SLC7A8: variants seen among roughly 807,000 people sequenced by gnomAD.
The protein encoded by SLC7A8 is solute carrier family 7 member 8, also known as large neutral amino acids transporter small subunit 2.
Under a neutral mutation model 51.2 loss-of-function variants are expected in SLC7A8, and 30 were observed. The observed-to-expected ratio is 0.59, with a 90% CI of 0.44 to 0.80. SLC7A8 has a LOEUF of 0.80. Ranked by LOEUF, SLC7A8 falls within the 30% of genes least tolerant of loss-of-function variation. SLC7A8 has a pLI of 0.00. For synonymous variants in SLC7A8, 257 were observed against 275.8 expected (o/e 0.93, Z 0.67); for missense variants, 612 against 674.4 (o/e 0.91, Z 1.03).
chr14:23,128,751 C>T lies in SLC7A8; in HGVS notation c.1264-555G>A, dbSNP rs1202172223. On this transcript the variant is annotated intron_variant, in intron 9 of 10. Coordinates refer to ENST00000316902, the MANE Select transcript of SLC7A8 (RefSeq NM_012244.4). This position sits in a 1 kb window ranked among gnomAD's most constrained non-coding sequence, Gnocchi z 4.3. ...TCCTGAGAGTATCCTCTTCAGGGCTCCAGGGGCAGTCCTGATTCGGCTGCC... is the reference window on the plus strand; with the variant it reads ...TCCTGAGAGTATCCTCTTCAGGGCTTCAGGGGCAGTCCTGATTCGGCTGCC... 6.6e-6 allele frequency among the ~76,000 whole-genome samples: 1 copy of T among 152,184 alleles called. No homozygotes were observed. The highest frequency in any genetic ancestry group is 1.5e-5 in the Non-Finnish European group (1 of 68,024).
chr14:23,137,215 C>T (rs945705864), intron 7 of SLC7A8, among the ~76,000 whole-genome samples: 1 of 152,186 alleles, frequency 6.6e-6, no homozygotes, highest in Non-Finnish European at 1.5e-5. Flanking sequence ...ACCTGGGACT[C>T]GTGGACCCGC....
At chr14:23,157,913 G>A (rs1193198301) in intron 3 of SLC7A8, among the ~76,000 whole-genome samples, 2 of 152,142 alleles carry the variant, frequency 1.3e-5, no homozygotes, top group Admixed American at 6.5e-5. Flanking sequence ...TGGACTGTGG[G>A]TTCCTTGGTA....
At chr14:23,181,109 G>T (rs937326257) in intron 1 of SLC7A8, among the ~76,000 whole-genome samples, 5 of 152,204 alleles carry the variant, frequency 3.3e-5, no homozygotes, top group African/African-American at 1.2e-4. Flanking sequence ...GTGCTTGTGT[G>T]CCTGTGGGCG....
chr14:23,167,509 C>T (rs1339965247), intron 1 of SLC7A8, among the ~76,000 whole-genome samples: 1 of 152,032 alleles, frequency 6.6e-6, no homozygotes, highest in Non-Finnish European at 1.5e-5. Context: ...GGCTGGTTTT[C>T]TCCTGAGAGG....
intron 7 of SLC7A8, among the ~76,000 whole-genome samples, chr14:23,132,300 C>A (rs2048644289): frequency 6.6e-6 from 1 of 152,076 alleles, no homozygotes; most frequent in Non-Finnish European, 1.5e-5. Context: ...CCGCGCCTGG[C>A]CTAAAAACAC....
chr14:23,138,141 G>T, intron 6 of SLC7A8, 117 bp from the exon 7 acceptor site: 3 of 1,291,614 alleles, frequency 2.3e-6, no homozygotes, highest in Non-Finnish European at 3.2e-6. Flanking sequence ...ATTCTCTCTC[G>T]CCAAGCTTCT....
chr14:23,143,234 C>T, intron 3 of SLC7A8, 30 bp from the exon 4 acceptor site: 1 of 1,612,740 alleles, frequency 6.2e-7, no homozygotes, highest in Middle Eastern at 1.7e-4. Context: ...AACAGACCTT[C>T]AGGGGCTGTA....
intron 1 of SLC7A8, among the ~76,000 whole-genome samples, chr14:23,180,495 C>A (rs1594844030): frequency 6.6e-6 from 1 of 152,280 alleles, no homozygotes; most frequent in Middle Eastern, 3.4e-3. Context: ...TGCCTATTAA[C>A]TCTACAAGGA....
At chr14:23,131,997 C>CTT (rs1268438002) in intron 7 of SLC7A8, among the ~76,000 whole-genome samples, 1 of 139,146 alleles carries the variant, frequency 7.2e-6, no homozygotes, top group African/African-American at 2.7e-5. Context: ...TAAAAACACT[C>CTT]TATTTTTTTT....
chr14:23,146,623 C>G (rs745541234), intron 3 of SLC7A8: 1 of 152,228 alleles, frequency 6.6e-6, no homozygotes, highest in Non-Finnish European at 1.5e-5. Context: ...AACCTTTCAC[C>G]TTCACAGTAA....
chr14:23,139,955 T>A (rs2048727345), intron 5 of SLC7A8, among the ~76,000 whole-genome samples: 1 of 152,124 alleles, frequency 6.6e-6, no homozygotes, highest in African/African-American at 2.4e-5. Context: ...TGCAGTGAGC[T>A]ATGACTGCAC....
chr14:23,182,963 C>G lies in SLC7A8; in HGVS notation c.-49G>C. On this transcript the variant is annotated 5_prime_UTR_variant, in exon 1 of 11. Coordinates refer to ENST00000316902, the MANE Select transcript of SLC7A8 (RefSeq NM_012244.4). ...CAAAAGCTGCCTCCCTTTCTAAATG[C>G]GTATTCGTGTAAATATATTGGGAGA... is the stretch of plus-strand genomic sequence containing the variant. The G allele has an allele frequency of 6.2e-7, 1 of 1,611,368 alleles. No homozygotes were observed. The highest frequency in any genetic ancestry group is 2.2e-5 in the East Asian group (1 of 44,830).
intron 1 of SLC7A8, among the ~76,000 whole-genome samples, chr14:23,176,531 C>T (rs1876917696): frequency 6.6e-6 from 1 of 152,144 alleles, no homozygotes; most frequent in South Asian, 2.1e-4. Context: ...AAATTAGCTA[C>T]CAGCTCTGTG....
chr14:23,143,338 A>C, intron 3 of SLC7A8, 134 bp from the exon 4 acceptor site: 377 of 1,232,444 alleles, frequency 3.1e-4, no homozygotes, highest in Non-Finnish European at 3.7e-4. Flanking sequence ...CAGCAAGCTC[A>C]ACCCCAGGGA....
At chr14:23,143,633 T>A (rs1282105306) in intron 3 of SLC7A8, among the ~76,000 whole-genome samples, 1 of 152,248 alleles carries the variant, frequency 6.6e-6, no homozygotes, top group Non-Finnish European at 1.5e-5. Flanking sequence ...CTTATGTTAC[T>A]TAGGTTTATT....
chr14:23,127,160 C>A lies in SLC7A8; in HGVS notation c.*17G>T, dbSNP rs991091017. ...AAAAGGGGGAGGAAGGAGAGAGTAGCCAGGGAATGGTGGTCCTCAGGGCTG... is the reference window on the plus strand; with the variant it reads ...AAAAGGGGGAGGAAGGAGAGAGTAGACAGGGAATGGTGGTCCTCAGGGCTG... On this transcript the variant is annotated 3_prime_UTR_variant, in exon 11 of 11. Transcript: ENST00000316902. 1 of 1,613,294 alleles carries A rather than the reference C, an allele frequency of 6.2e-7. No individual in the cohort carries two copies. Among genetic ancestry groups the A allele is most frequent in the African/African-American group, 1.3e-5 (1 of 74,880 alleles).
chr14:23,138,234 T>C (rs1270413927), intron 6 of SLC7A8: 3 of 559,162 alleles, frequency 5.4e-6, no homozygotes, highest in Non-Finnish European at 9.6e-6. Context: ...AAGGAGGTAG[T>C]ACACACTGGT....
At chr14:23,144,341 A>AATTTTTTTTTTTTTTTTTTTT (rs375223021) in intron 3 of SLC7A8, among the ~76,000 whole-genome samples, 1 of 114,356 alleles carries the variant, frequency 8.7e-6, no homozygotes, top group Non-Finnish European at 1.9e-5. Flanking sequence ...TTTAAACACA[A>AATTTTTTTTTTTTTTTTTTTT]TTTTTTTTTT....
intron 4 of SLC7A8, among the ~76,000 whole-genome samples, chr14:23,142,830 T>C (rs1490072978): frequency 2.0e-5 from 3 of 152,300 alleles, no homozygotes; most frequent in East Asian, 1.9e-4. Flanking sequence ...CTAGCTGTGC[T>C]ACAGCCTTGA....
Sources: gnomAD v4.1 joint callset for allele counts (sites outside exome capture counted in the v4.1 genomes callset) on GRCh38, gnomAD v4.1.1 for gene constraint, Gnocchi (gnomAD v3.1) non-coding constraint, MANE v1.5 for transcripts, NCBI Gene and HGNC (gene_info 2026-07-23, HGNC 2026-07-21) for gene names.